Variants in KCTD8 observed in about 807,000 individuals in gnomAD.
The protein encoded by KCTD8 is BTB/POZ domain-containing protein KCTD8.
KCTD8 carries 27 observed loss-of-function variants against 31.5 expected under a neutral mutation model. That is an observed-to-expected ratio of 0.86 (90% CI 0.63 to 1.18). KCTD8 has a LOEUF of 1.18. KCTD8 is among the 50% of genes most tolerant of loss of function. KCTD8 has a pLI of 0.00. For synonymous variants in KCTD8, 290 were observed against 280.0 expected (o/e 1.04, Z -0.36); for missense variants, 658 against 647.7 (o/e 1.02, Z -0.17).
chr4:44,313,019 T>C (rs997510783), intron 1 of KCTD8, among the ~76,000 whole-genome samples: 4 of 152,062 alleles, frequency 2.6e-5, no homozygotes, highest in Admixed American at 1.3e-4. Flanking sequence ...ATTTTTGAGG[T>C]CACTTTCATA....
At chr4:44,374,791 T>TC (rs1296841080) in intron 1 of KCTD8, among the ~76,000 whole-genome samples, 2 of 151,846 alleles carry the variant, frequency 1.3e-5, no homozygotes, top group African/African-American at 4.8e-5. Context: ...TGGTTCATGC[T>TC]CCCCCAAAAA....
intron 1 of KCTD8, among the ~76,000 whole-genome samples, chr4:44,327,368 T>G (rs1180692936): frequency 6.6e-6 from 1 of 151,866 alleles, no homozygotes; most frequent in East Asian, 1.9e-4. Context: ...AACTTCAGTC[T>G]TACTATCTCT....
chr4:44,201,060 A>C (rs1301190084), intron 1 of KCTD8, among the ~76,000 whole-genome samples: 1 of 152,052 alleles, frequency 6.6e-6, no homozygotes, highest in East Asian at 1.9e-4. Flanking sequence ...CATTTACAAT[A>C]GCCACAAAGA....
intron 1 of KCTD8, among the ~76,000 whole-genome samples, chr4:44,326,696 G>A (rs1718449413): frequency 6.6e-6 from 1 of 151,628 alleles, no homozygotes; most frequent in Non-Finnish European, 1.5e-5. Flanking sequence ...TACTACATAT[G>A]TCCATGAGTC....
chr4:44,417,151 A>G (rs1198094915), intron 1 of KCTD8, among the ~76,000 whole-genome samples: 1 of 152,330 alleles, frequency 6.6e-6, no homozygotes, highest in East Asian at 1.9e-4. Flanking sequence ...AACTGTAACC[A>G]TTGTAATACA....
intron 1 of KCTD8, among the ~76,000 whole-genome samples, chr4:44,304,098 A>G (rs1717727857): frequency 6.6e-6 from 1 of 152,182 alleles, no homozygotes; most frequent in Non-Finnish European, 1.5e-5. Context: ...ATCCAACTTG[A>G]GACACCAGAA....
chr4:44,340,036 G>T (rs538557750), intron 1 of KCTD8, among the ~76,000 whole-genome samples: 1 of 152,162 alleles, frequency 6.6e-6, no homozygotes, highest in Admixed American at 6.5e-5. Flanking sequence ...AGTGTTCAAT[G>T]TCATTAGTCA....
At chr4:44,423,299 C>T (rs1721267137) in intron 1 of KCTD8, among the ~76,000 whole-genome samples, 1 of 151,958 alleles carries the variant, frequency 6.6e-6, no homozygotes, top group Non-Finnish European at 1.5e-5. Context: ...CAGTAAATAC[C>T]CATTACACAG....
intron 1 of KCTD8, among the ~76,000 whole-genome samples, chr4:44,254,109 T>C (rs1369891999): frequency 1.9e-4 from 29 of 151,876 alleles, no homozygotes; most frequent in Admixed American, 1.9e-3. Flanking sequence ...GCTAAGAAGA[T>C]TTCCATGCAG....
chr4:44,246,013 G>T (rs1715655505), intron 1 of KCTD8, among the ~76,000 whole-genome samples: 1 of 152,004 alleles, frequency 6.6e-6, no homozygotes, highest in Non-Finnish European at 1.5e-5. Context: ...CTATTAGTTA[G>T]CAGTGGTATT....
intron 1 of KCTD8, among the ~76,000 whole-genome samples, chr4:44,347,305 G>A (rs912968870): frequency 3.9e-5 from 6 of 152,156 alleles, no homozygotes; most frequent in Admixed American, 6.5e-5. Context: ...TGGAACATGG[G>A]CTTTGGGCCA....
intron 1 of KCTD8, among the ~76,000 whole-genome samples, chr4:44,315,760 C>A (rs1159925254): frequency 6.6e-6 from 1 of 151,894 alleles, no homozygotes; most frequent in Non-Finnish European, 1.5e-5. Flanking sequence ...ATTTTTTTTC[C>A]TCTCAGACTT....
intron 1 of KCTD8, among the ~76,000 whole-genome samples, chr4:44,374,711 G>C (rs1266166214): frequency 2.0e-5 from 3 of 152,122 alleles, no homozygotes; most frequent in Non-Finnish European, 4.4e-5. Context: ...GATGTGGGGG[G>C]AGGCTGATTG....
At chr4:44,247,462 G>A (rs1715699339) in intron 1 of KCTD8, among the ~76,000 whole-genome samples, 2 of 149,266 alleles carry the variant, frequency 1.3e-5, no homozygotes, top group East Asian at 2.0e-4. Flanking sequence ...GTGTGTGTGC[G>A]TGTGTGTGTG....
intron 1 of KCTD8, among the ~76,000 whole-genome samples, chr4:44,350,070 A>T (rs1258499508): frequency 6.6e-6 from 1 of 152,128 alleles, no homozygotes; most frequent in East Asian, 1.9e-4. Context: ...GATTTTGCAA[A>T]TGTTTACTGA....
chr4:44,381,754 G>T (rs1720071925), intron 1 of KCTD8, among the ~76,000 whole-genome samples: 1 of 151,648 alleles, frequency 6.6e-6, no homozygotes. Context: ...AGTGTGTGGT[G>T]CCTCCCCACT....
At chr4:44,179,631 T>A (rs909846650) in intron 1 of KCTD8, among the ~76,000 whole-genome samples, 4 of 151,688 alleles carry the variant, frequency 2.6e-5, no homozygotes, top group African/African-American at 9.7e-5. Flanking sequence ...GTTTATATAA[T>A]GACTTAAAAG....
chr4:44,176,860 C>CTATCTATCTATCTATCT (rs1553890661), intron 1 of KCTD8, among the ~76,000 whole-genome samples: 13 of 148,360 alleles, frequency 8.8e-5, no homozygotes, highest in African/African-American at 2.5e-4. Flanking sequence ...TATATGTCTA[C>CTATCTATCTATCTATCT]ATCTATCTAT....
At chr4:44,345,442 T>C (rs1308448744) in intron 1 of KCTD8, among the ~76,000 whole-genome samples, 1 of 152,010 alleles carries the variant, frequency 6.6e-6, no homozygotes, top group East Asian at 1.9e-4. Flanking sequence ...ACTGGTAAAA[T>C]AGCAATAAAT....
Sources: gnomAD v4.1 joint callset for allele counts (sites outside exome capture counted in the v4.1 genomes callset) on GRCh38, gnomAD v4.1.1 for gene constraint, MANE v1.5 for transcripts, NCBI Gene and HGNC (gene_info 2026-07-23, HGNC 2026-07-21) for gene names.